The following MTCL1 variants were observed in gnomAD, a reference collection of about 807,000 sequenced individuals.
MTCL1 encodes microtubule cross-linking factor 1.
In MTCL1, 79 loss-of-function variants were observed where a neutral mutation model predicts 141.4. The observed-to-expected ratio is 0.56, with a 90% CI of 0.47 to 0.67. The LOEUF (loss-of-function observed/expected upper bound fraction) is 0.67, where lower values mean the gene tolerates loss of function less well. Among genes scored for constraint, MTCL1 ranks in the 30% least tolerant of loss-of-function variants. The pLI is 0.00. For missense variants in MTCL1, 2,177 were observed against 2,113.9 expected (o/e 1.03, Z -0.59); for synonymous variants, 914 against 875.8 (o/e 1.04, Z -0.77).
intron 4 of MTCL1, among the ~76,000 whole-genome samples, chr18:8,748,827 G>C (rs1261366580): frequency 2.0e-5 from 3 of 151,888 alleles, no homozygotes; most frequent in African/African-American, 7.3e-5. Flanking sequence ...GAAGCCATGT[G>C]GTTTGTAAAA....
Position 8,785,922 on chromosome 18 carries a change from C to G in MTCL1, c.1732-14C>G, listed in dbSNP as rs368078708. The G allele has an allele frequency of 6.4e-7, 1 of 1,567,344 alleles. No individual in the cohort carries two copies. Among genetic ancestry groups the G allele is most frequent in the African/African-American group, 1.4e-5 (1 of 72,828 alleles). ...AAGAACAACAACAACAAATTCCTCC[C>G]GTGCACCTAACAGTCCAGACTGAAA... On this transcript the variant is annotated splice_polypyrimidine_tract_variant and intron_variant, in intron 6 of 16. Coordinates refer to ENST00000359865, the Ensembl canonical transcript of MTCL1.
chr18:8,744,950 C>G (rs898506527), intron 4 of MTCL1, among the ~76,000 whole-genome samples: 1 of 152,186 alleles, frequency 6.6e-6, no homozygotes, highest in African/African-American at 2.4e-5. Flanking sequence ...GGCAGCCAGC[C>G]CCCCTGAGCT....
upstream of MTCL1, among the ~76,000 whole-genome samples, chr18:8,715,103 T>A (rs2096120716): frequency 6.6e-6 from 1 of 152,218 alleles, no homozygotes; most frequent in South Asian, 2.1e-4. Flanking sequence ...GCCCCTAATT[T>A]TATTTGCAGT....
chr18:8,721,358 G>A (rs1233523904), intron 4 of MTCL1, among the ~76,000 whole-genome samples: 1 of 152,094 alleles, frequency 6.6e-6, no homozygotes. Flanking sequence ...ACCTGGTTCC[G>A]GCCTGCATGG....
intron 4 of MTCL1, among the ~76,000 whole-genome samples, chr18:8,730,682 G>A (rs374645980): frequency 6.6e-6 from 1 of 152,144 alleles, no homozygotes; most frequent in Admixed American, 6.5e-5. Flanking sequence ...GTGCAGTCTC[G>A]CCCACAGCAC....
intron 4 of MTCL1, among the ~76,000 whole-genome samples, chr18:8,756,415 G>GTGTATATATGTGTATATA (rs1372679894): frequency 8.2e-4 from 115 of 140,638 alleles, no homozygotes; most frequent in African/African-American, 2.6e-3. Flanking sequence ...GTGTGTATAT[G>GTGTATATATGTGTATATA]TGTATATATG....
intron 8 of MTCL1, among the ~76,000 whole-genome samples, 167 bp from the exon 8 acceptor site, chr18:8,796,065 A>G (rs1316146490): frequency 1.3e-5 from 2 of 152,224 alleles, no homozygotes; most frequent in Admixed American, 6.5e-5. Context: ...TTTTGTAAAC[A>G]GGAAACTGAA....
chr18:8,805,099 T>G (rs1348297049), intron 10 of MTCL1, among the ~76,000 whole-genome samples: 1 of 117,290 alleles, frequency 8.5e-6, no homozygotes, highest in Non-Finnish European at 1.7e-5. Context: ...AACTTTATTT[T>G]TGAATATATA....
chr18:8,799,851 C>A (rs1383861287), intron 10 of MTCL1, among the ~76,000 whole-genome samples: 1 of 152,244 alleles, frequency 6.6e-6, no homozygotes, highest in Non-Finnish European at 1.5e-5. Context: ...TCAGCTGGAA[C>A]CTTACATTCA....
intron 10 of MTCL1, among the ~76,000 whole-genome samples, chr18:8,799,873 T>C (rs2076055668): frequency 6.6e-6 from 1 of 152,250 alleles, no homozygotes; most frequent in Non-Finnish European, 1.5e-5. Flanking sequence ...CATATTTTAT[T>C]GTCATTTCCC....
intron 4 of MTCL1, among the ~76,000 whole-genome samples, chr18:8,734,251 C>T (rs1454228524): frequency 6.6e-6 from 1 of 152,030 alleles, no homozygotes; most frequent in East Asian, 1.9e-4. Flanking sequence ...TTTTCCTCCT[C>T]CAACTCCGTT....
chr18:8,721,920 G>A (rs1452070835), intron 4 of MTCL1, among the ~76,000 whole-genome samples: 2 of 152,182 alleles, frequency 1.3e-5, no homozygotes, highest in Non-Finnish European at 2.9e-5. Context: ...AGTGAATGAA[G>A]GGGGCGGAGC....
chr18:8,812,753 G>A (rs1398832315), intron 11 of MTCL1: 3 of 517,752 alleles, frequency 5.8e-6, no homozygotes, highest in African/African-American at 5.7e-5. Context: ...AGTGGAGCAG[G>A]GAAGCTGGCC....
At chr18:8,743,170 G>C (rs575961601) in intron 4 of MTCL1, among the ~76,000 whole-genome samples, 1 of 152,202 alleles carries the variant, frequency 6.6e-6, no homozygotes, top group Non-Finnish European at 1.5e-5. Context: ...ATAGTTTCCT[G>C]TTCCTTAGTA....
chr18:8,797,254 G>C (rs1008737728), intron 9 of MTCL1, among the ~76,000 whole-genome samples: 1 of 152,180 alleles, frequency 6.6e-6, no homozygotes, highest in Non-Finnish European at 1.5e-5. Flanking sequence ...CCTAGATGTG[G>C]AAGCCTGTCC....
intron 10 of MTCL1, among the ~76,000 whole-genome samples, chr18:8,803,253 C>T (rs9965713): frequency 0.56 from 85,156 of 151,536 alleles, 26,235 homozygotes; most frequent in Non-Finnish European, 0.69. Context: ...GGCTTTGGAA[C>T]GCGACAACCT....
In MTCL1 at chr18:8,828,901, T is replaced by C; in HGVS notation, c.4723-7T>C. The C allele has an allele frequency of 6.2e-7, 1 of 1,614,264 alleles. No individual in the cohort carries two copies. Among genetic ancestry groups the C allele is most frequent in the Non-Finnish European group, 8.5e-7 (1 of 1,180,042 alleles). On this transcript the variant is annotated splice_region_variant and splice_polypyrimidine_tract_variant and intron_variant, in intron 15 of 16. Coordinates refer to ENST00000359865, the Ensembl canonical transcript of MTCL1. This position sits in a 1 kb window ranked among gnomAD's most constrained non-coding sequence, Gnocchi z 5.2. Reference sequence around the variant, plus strand: ...TTTTCTTTTCTTTCTCTGTCTGTTCTGTCCAGAACCAAACTGTCTTGCTAA... The same window carrying C: ...TTTTCTTTTCTTTCTCTGTCTGTTCCGTCCAGAACCAAACTGTCTTGCTAA...
intron 10 of MTCL1, among the ~76,000 whole-genome samples, chr18:8,804,745 A>G (rs1397054482): frequency 6.6e-6 from 1 of 152,152 alleles, no homozygotes; most frequent in Non-Finnish European, 1.5e-5. Context: ...CTACAATCCC[A>G]TTTTCTGAGG....
intron 4 of MTCL1, among the ~76,000 whole-genome samples, chr18:8,729,230 A>G (rs1277210785): frequency 7.8e-6 from 1 of 127,464 alleles, no homozygotes. Flanking sequence ...TAATTTCCGT[A>G]TTTTTTGGAG....
Sources: allele counts gnomAD v4.1 joint callset (sites outside exome capture counted in the v4.1 genomes callset), GRCh38; gene constraint gnomAD v4.1.1; non-coding constraint Gnocchi (gnomAD v3.1); transcripts MANE v1.5; gene names NCBI Gene and HGNC (gene_info 2026-07-23, HGNC 2026-07-21).